EHD2: variants seen among roughly 807,000 people sequenced by gnomAD.
EHD2 encodes the protein EH domain-containing protein 2.
Under a neutral mutation model 41.0 loss-of-function variants are expected in EHD2, and 27 were observed. That is an observed-to-expected ratio of 0.66 (90% confidence interval 0.49 to 0.91). The LOEUF is 0.91. Ranked by LOEUF, EHD2 falls within the 40% of genes least tolerant of loss-of-function variation. EHD2 has a pLI of 0.00. For synonymous variants in EHD2, 342 were observed against 341.0 expected, an observed-to-expected ratio of 1.00 and a Z score of -0.03; for missense variants, 673 against 773.9, an observed-to-expected ratio of 0.87 and a Z score of 1.55.
rs151238464 is a variant in EHD2 at position 47,716,539 on chromosome 19, C to G, written c.-55-19C>G. ...CTTGGCTGGGCCGCCTATGCTCATG[C>G]CCTCTCCCCCTCCCACAGGCAGCTC... On this transcript the variant is annotated intron_variant, in intron 1 of 5. Coordinates refer to ENST00000263277, the MANE Select transcript of EHD2 (RefSeq NM_014601.4). 2.1e-6 allele frequency: 3 copies of G among 1,433,304 alleles called. No individual in the cohort carries two copies. The African/African-American group carries it at 4.3e-5, about 21-fold the overall frequency. The allele number at this position is 1,433,304 out of a possible 1,614,324, so 88.8% of individuals were successfully genotyped here. A position where few individuals can be genotyped will look rare whatever the true frequency, so the allele number is the denominator to read the frequency against.
chr19:47,734,179 C>T (rs1966898489), intron 4 of EHD2, among the ~76,000 whole-genome samples: 1 of 151,960 alleles, frequency 6.6e-6, no homozygotes, highest in Non-Finnish European at 1.5e-5. Context: ...AAATGAGAAG[C>T]AGGGGAGAGG....
At position 47,715,081 on chromosome 19, in the gene EHD2, A is replaced by AT. The variant is rs1555792890; in HGVS notation, c.-55-1477_-55-1476insT. On this transcript the variant is annotated intron_variant, in intron 1 of 5. Coordinates refer to ENST00000263277, the MANE Select transcript of EHD2 (RefSeq NM_014601.4). Reference sequence around the variant, plus strand: ...AATAAATAAATAAATAAATAAATAAAAAGAAAGAAAAGCAAAGCAAAGCAG... The same window carrying AT: ...AATAAATAAATAAATAAATAAATAAATAAGAAAGAAAAGCAAAGCAAAGCAG... Among the ~76,000 whole-genome samples, 339 of 151,442 alleles carry AT rather than the reference A, an allele frequency of 2.2e-3. 1 individual carries two copies. Among genetic ancestry groups the AT allele is most frequent in the South Asian group, 0.012 (59 of 4,792 alleles).
rs1369409230 is a variant in EHD2 at position 47,718,725 on chromosome 19, T to C, written c.502+119T>C. The C allele has an allele frequency of 1.9e-4, 130 of 678,780 alleles. 2 individuals carry two copies. In the African/African-American group the frequency reaches 3.4e-3, roughly 18 times the overall value. The allele number at this position is 678,780 out of a possible 1,614,324, so 42.0% of individuals were successfully genotyped here. ...GTCTGAGGGAGGAGGGGCTGGGGTCTGGACTCCTGGGTCTGAGGGAGGAGG... is the reference window on the plus strand; with the variant it reads ...GTCTGAGGGAGGAGGGGCTGGGGTCCGGACTCCTGGGTCTGAGGGAGGAGG... On this transcript the variant is annotated intron_variant, in intron 3 of 5. Transcript: ENST00000263277.
intron 5 of EHD2, among the ~76,000 whole-genome samples, chr19:47,740,457 A>G (rs967244202): frequency 6.6e-6 from 1 of 151,562 alleles, no homozygotes; most frequent in Non-Finnish European, 1.5e-5. Flanking sequence ...AAAACAAAAC[A>G]AAACAAAAAT....
intron 3 of EHD2, among the ~76,000 whole-genome samples, chr19:47,722,631 C>T (rs1235490062): frequency 6.6e-6 from 1 of 151,188 alleles, no homozygotes. Flanking sequence ...AGTGGCAGGA[C>T]CTTGGCTCAC....
rs139672681 is a variant in EHD2 at position 47,742,197 on chromosome 19, C to T, written c.*765C>T. ...TTTTTGCCCCCAATTCTGCCCATAC[C>T]CATTTCTTTCTTTCCTTCCTTCCTT... On this transcript the variant is annotated 3_prime_UTR_variant, in exon 6 of 6. Transcript: ENST00000263277. 1.1e-4 allele frequency: 35 copies of T among 331,486 alleles called. No homozygotes were observed. Among genetic ancestry groups the T allele is most frequent in the African/African-American group, 6.8e-4 (31 of 45,444 alleles). 20.5% of individuals were successfully genotyped at this position (331,486 alleles called of 1,614,324 possible).
At chr19:47,723,034 C>T (rs1323916382) in intron 3 of EHD2, among the ~76,000 whole-genome samples, 1 of 152,182 alleles carries the variant, frequency 6.6e-6, no homozygotes, top group African/African-American at 2.4e-5. Flanking sequence ...ACTCTTCGTC[C>T]TCCGGGTTCC....
chr19:47,737,283 T>A (rs1966934896), intron 5 of EHD2, among the ~76,000 whole-genome samples: 1 of 151,366 alleles, frequency 6.6e-6, no homozygotes, highest in African/African-American at 2.4e-5. Context: ...AAAAGAGTAG[T>A]CTCTTTAAGA....
At chr19:47,731,304 A>ATACATATATATG (rs1973812377) in intron 4 of EHD2, 3 of 57,818 alleles carry the variant, frequency 5.2e-5, no homozygotes, top group Non-Finnish European at 1.3e-4. Flanking sequence ...ATATATATAC[A>ATACATATATATG]TATATATATA....
At chr19:47,721,538 A>C (rs1973697218) in intron 3 of EHD2, among the ~76,000 whole-genome samples, 1 of 148,934 alleles carries the variant, frequency 6.7e-6, no homozygotes, top group East Asian at 2.0e-4. Context: ...CAGGTCTTGA[A>C]CTCCTGACCT....
intron 5 of EHD2, among the ~76,000 whole-genome samples, chr19:47,737,104 G>T (rs952020822): frequency 6.6e-6 from 1 of 151,920 alleles, no homozygotes; most frequent in Non-Finnish European, 1.5e-5. Context: ...GGTGGTGGGC[G>T]CCTGTAGTCC....
At chr19:47,714,642 G>A (rs1304652693) in intron 1 of EHD2, among the ~76,000 whole-genome samples, 1 of 152,050 alleles carries the variant, frequency 6.6e-6, no homozygotes, top group South Asian at 2.1e-4. Flanking sequence ...AACCTCTGAG[G>A]TCAGGCTGCC....
intron 4 of EHD2, among the ~76,000 whole-genome samples, chr19:47,729,391 G>A (rs1252538642): frequency 2.6e-5 from 4 of 152,152 alleles, no homozygotes; most frequent in Admixed American, 2.0e-4. Flanking sequence ...GCAGGGAAAG[G>A]AGATAATTAG....
rs34254815 is a variant in EHD2 at position 47,733,751 on chromosome 19, C to CAAAAAAAAAAAAAAAAAAAAAA, written c.916-2615_916-2594dup. 2.6e-4 allele frequency among the ~76,000 whole-genome samples: 15 copies of CAAAAAAAAAAAAAAAAAAAAAA among 57,122 alleles called. 2 individuals carry two copies. Among genetic ancestry groups the CAAAAAAAAAAAAAAAAAAAAAA allele is most frequent in the Non-Finnish European group, 4.6e-4 (14 of 30,150 alleles). The allele number at this position is 57,122 out of a possible 152,430, so 37.5% of individuals were successfully genotyped here. The stretch of plus-strand genomic sequence containing the variant: ...TGGGTGACAGAGCAAGACTCTGTCT[C>CAAAAAAAAAAAAAAAAAAAAAA]AAAAAAAAAAAAAAAAAAAAAAAAT... On this transcript the variant is annotated intron_variant, in intron 4 of 5. Coordinates refer to ENST00000263277, the MANE Select transcript of EHD2 (RefSeq NM_014601.4).
In EHD2 at chr19:47,741,451, GCCCTGCTGTGGCT is replaced by G; in HGVS notation, c.*23_*35del. 6.4e-7 allele frequency: 1 copy of G among 1,551,526 alleles called. No individual in the cohort carries two copies. The highest frequency in any genetic ancestry group is 8.7e-7 in the Non-Finnish European group (1 of 1,155,998). Reference sequence around the variant, plus strand: ...CGAGTGAGCCGGCCCCCCTCCCATGGCCCTGCTGTGGCTCCCCAGCTCCAGTCGGCTGCACGCA... The same window carrying G: ...CGAGTGAGCCGGCCCCCCTCCCATGGCCCCAGCTCCAGTCGGCTGCACGCA... On this transcript the variant is annotated 3_prime_UTR_variant, in exon 6 of 6. Coordinates refer to ENST00000263277, the MANE Select transcript of EHD2 (RefSeq NM_014601.4). The surrounding 1 kb of genome is among the most constrained non-coding windows in gnomAD (Gnocchi z 4.5).
chr19:47,739,738 C>G (rs1966965492), intron 5 of EHD2, among the ~76,000 whole-genome samples: 1 of 151,446 alleles, frequency 6.6e-6, no homozygotes, highest in Non-Finnish European at 1.5e-5. Flanking sequence ...GTGAGCCACC[C>G]AAGCCTGCTG....
At position 47,719,871 on chromosome 19, in the gene EHD2, G is replaced by A. The variant is rs1259891684; in HGVS notation, c.502+1265G>A. Among the ~76,000 whole-genome samples, 2 of 152,004 alleles carry A rather than the reference G, an allele frequency of 1.3e-5. No homozygotes were observed. The highest frequency in any genetic ancestry group is 2.9e-5 in the Non-Finnish European group (2 of 67,972). ...CAAAGGCCATGGGTGGTGGGGGAGT[G>A]GGGAACGGGGTCTCCCTCCCTGGCC... On this transcript the variant is annotated intron_variant, in intron 3 of 5. Transcript: ENST00000263277. The surrounding 1 kb of genome is among the most constrained non-coding windows in gnomAD (Gnocchi z 4.1).
chr19:47,716,667 C>T lies in EHD2; in HGVS notation c.55C>T (p.Arg19Cys), dbSNP rs150872006. 241 of 1,597,810 alleles carry T rather than the reference C, an allele frequency of 1.5e-4. 1 individual carries two copies. The highest frequency in any genetic ancestry group is 1.1e-3 in the South Asian group (98 of 89,326). Residue 19 changes from arginine to cysteine, a missense_variant, in exon 2 of 6, where the codon CGC (arginine) becomes TGC (cysteine). Physicochemically the swap from Arg to Cys is radical, Grantham distance 180 (BLOSUM62 -3). Coordinates refer to ENST00000263277, the MANE Select transcript of EHD2 (RefSeq NM_014601.4). ...GARGQQPEAI[R>C]TVTSALKELY... ...ACGGGGCCAGCAGCCCGAGGCCATCCGCACGGTGACCTCGGCCCTCAAGGA... is the reference window on the plus strand; with the variant it reads ...ACGGGGCCAGCAGCCCGAGGCCATCTGCACGGTGACCTCGGCCCTCAAGGA...
chr19:47,723,728 A>C (rs1299212525), intron 3 of EHD2, among the ~76,000 whole-genome samples: 1 of 148,012 alleles, frequency 6.8e-6, no homozygotes, highest in East Asian at 2.0e-4. Context: ...TGCAGGCTGG[A>C]GTGCAATGAC....
Sources: gnomAD v4.1 joint callset for allele counts (sites outside exome capture counted in the v4.1 genomes callset) on GRCh38, gnomAD v4.1.1 for gene constraint, Gnocchi (gnomAD v3.1) non-coding constraint, MANE v1.5 for transcripts, NCBI Gene and HGNC (gene_info 2026-07-23, HGNC 2026-07-21) for gene names.